TP73: variants seen among roughly 807,000 people sequenced by gnomAD.
TP73 encodes the protein tumor protein p73, also known as p53-like transcription factor.
Under a neutral mutation model 62.5 loss-of-function variants are expected in TP73, and 25 were observed. The observed-to-expected ratio is 0.40, with a 90% CI of 0.29 to 0.56. TP73 has a LOEUF of 0.56. Ranked by LOEUF, TP73 falls within the 20% of genes least tolerant of loss-of-function variation. TP73 has a pLI of 0.46. For missense variants in TP73, 754 were observed against 913.3 expected (o/e 0.83, Z 2.25); for synonymous variants, 423 against 377.5 (o/e 1.12, Z -1.40).
intron 1 of TP73, among the ~76,000 whole-genome samples, chr1:3,679,550 C>G (rs1275668391): frequency 6.9e-6 from 1 of 144,108 alleles, no homozygotes; most frequent in Non-Finnish European, 1.5e-5. Flanking sequence ...TCTCTTTGTC[C>G]TTGTCTCTCC....
At chr1:3,712,756 C>T (rs573450315) in intron 4 of TP73, among the ~76,000 whole-genome samples, 2 of 152,210 alleles carry the variant, frequency 1.3e-5, no homozygotes, top group African/African-American at 2.4e-5. Flanking sequence ...CTCCCACACT[C>T]CCCATTTTAC....
chr1:3,723,508 C>A, intron 6 of TP73, 39 bp downstream of exon 6: 1 of 1,421,404 alleles, frequency 7.0e-7, no homozygotes, highest in Non-Finnish European at 9.9e-7. Context: ...GCCCTGCAGT[C>A]AGCTGTACGG....
At chr1:3,731,163 T>C (rs2124545043) in intron 12 of TP73, 98 bp downstream of exon 12, 1 of 1,492,846 alleles carries the variant, frequency 6.7e-7, no homozygotes, top group Non-Finnish European at 9.0e-7. Context: ...CCCTGTGTGC[T>C]CACCACTCGC....
chr1:3,699,063 G>C lies in TP73; in HGVS notation c.187-8486G>C, dbSNP rs1570500936. Among the ~76,000 whole-genome samples the C allele has an allele frequency of 6.6e-6, 1 of 152,134 alleles. No homozygotes were observed. The highest frequency in any genetic ancestry group is 1.9e-4 in the East Asian group (1 of 5,186). On this transcript the variant is annotated intron_variant, in intron 3 of 13. Transcript: ENST00000378295. The surrounding 1 kb of genome is among the most constrained non-coding windows in gnomAD (Gnocchi z 4.1). ...GAGGGTGCTGTGGGTGAGAGCACAG[G>C]GTGCTGTGGGTGAGAGCAGAGGGTG...
chr1:3,689,918 G>A (rs913460414), intron 3 of TP73, among the ~76,000 whole-genome samples: 7 of 152,174 alleles, frequency 4.6e-5, no homozygotes, highest in Admixed American at 6.5e-5. Flanking sequence ...TACCCAAGAC[G>A]GCTGAAATAC....
intron 11 of TP73, 97 bp downstream of exon 11, chr1:3,730,245 A>T: frequency 2.2e-6 from 3 of 1,337,552 alleles, no homozygotes; most frequent in Non-Finnish European, 2.9e-6. Flanking sequence ...GACCCAGGGC[A>T]GGTGTCTCTG....
At chr1:3,700,361 G>A (rs952649043) in intron 3 of TP73, among the ~76,000 whole-genome samples, 2 of 152,306 alleles carry the variant, frequency 1.3e-5, no homozygotes, top group South Asian at 2.1e-4. Context: ...CCGATGGCAC[G>A]GTCGTGACCT....
rs528348403 is a variant in TP73 at position 3,653,129 on chromosome 1, G to GC, written c.-34+494dup. On this transcript the variant is annotated intron_variant, in intron 1 of 13. Coordinates refer to ENST00000378295, the MANE Select transcript of TP73 (RefSeq NM_005427.4). Reference sequence around the variant, plus strand: ...AGCTTCCCTGAGGAGCCAGGGCCAGGCCCCCCTCTGGACAGGGAGAAGGAT... The same window carrying GC: ...AGCTTCCCTGAGGAGCCAGGGCCAGGCCCCCCCTCTGGACAGGGAGAAGGAT... Among the ~76,000 whole-genome samples, 41 of 152,362 alleles carry GC rather than the reference G, an allele frequency of 2.7e-4. No homozygotes were observed. The East Asian group carries it at 7.5e-3, about 28-fold the overall frequency.
In TP73 at chr1:3,733,065, GC is replaced by G; in HGVS notation, c.1899del (p.Glu634ArgfsTer120). On this transcript the variant is annotated frameshift_variant, in exon 14 of 14. Transcript: ENST00000378295. LOFTEE classifies it high-confidence loss of function. Reference sequence around the variant, plus strand: ...GCCCATCAAGGAGGAGTTCACGGAGGCCGAGATCCACTGAGGGCCTCGCCTG... The same window carrying G: ...GCCCATCAAGGAGGAGTTCACGGAGGCGAGATCCACTGAGGGCCTCGCCTG... The part of the protein sequence containing the change: ...KQPIKEEFTE[A>X]EIH 3 of 1,535,928 alleles carry G rather than the reference GC, an allele frequency of 2.0e-6. No homozygotes were observed. Among genetic ancestry groups the G allele is most frequent in the Non-Finnish European group, 2.6e-6 (3 of 1,145,592 alleles).
chr1:3,680,827 C>T (rs188716071), intron 1 of TP73, among the ~76,000 whole-genome samples: 4 of 152,372 alleles, frequency 2.6e-5, no homozygotes, highest in Non-Finnish European at 5.9e-5. Flanking sequence ...AGCCCAGGAT[C>T]GGAGGCCTGC....
At chr1:3,685,466 G>A (rs1402727512) in intron 3 of TP73, among the ~76,000 whole-genome samples, 1 of 152,202 alleles carries the variant, frequency 6.6e-6, no homozygotes, top group Non-Finnish European at 1.5e-5. Context: ...CACGGAGATG[G>A]GGGATTCCCT....
At chr1:3,732,454 G>A (rs1557594117) in intron 13 of TP73, among the ~76,000 whole-genome samples, 2 of 152,002 alleles carry the variant, frequency 1.3e-5, no homozygotes, top group Admixed American at 6.5e-5. Flanking sequence ...ACTCCAGGGG[G>A]CAGGGACATG....
rs2124521471 is a variant in TP73 at position 3,727,762 on chromosome 1, G to A, written c.977G>A (p.Ser326Asn). 6.5e-7 allele frequency: 1 copy of A among 1,540,916 alleles called. No homozygotes were observed. The highest frequency in any genetic ancestry group is 1.4e-5 in the African/African-American group (1 of 73,400). ...AGCTCCGCCAAGAACGGGGCCGCCA[G>A]CAAGCGTGGTGAGCGGCCGGCCAGG... ...NESSAKNGAA[S>N]KRAFKQSPPA... Residue 326 changes from serine to asparagine, a missense_variant, in exon 8 of 14, where the codon AGC becomes AAC. Physicochemically the swap from Ser to Asn is conservative, Grantham distance 46 (BLOSUM62 1). This residue lies in a region of TP73 where 458 missense variants were observed against 528.7 expected (regional missense o/e 0.87). Coordinates refer to ENST00000378295, the MANE Select transcript of TP73 (RefSeq NM_005427.4).
chr1:3,711,404 G>GTGGACAGC (rs1358356868), intron 4 of TP73, among the ~76,000 whole-genome samples: 1 of 152,264 alleles, frequency 6.6e-6, no homozygotes, highest in Non-Finnish European at 1.5e-5. Context: ...TGGCAGTGGT[G>GTGGACAGC]TGGACAGCTG....
intron 3 of TP73, among the ~76,000 whole-genome samples, chr1:3,692,835 G>A (rs781565310): frequency 8.5e-5 from 13 of 152,084 alleles, no homozygotes; most frequent in African/African-American, 1.2e-4. Context: ...CGCCATTCCC[G>A]GGAGGGGTGG....
chr1:3,685,126 C>T (rs1028688681), intron 3 of TP73, among the ~76,000 whole-genome samples: 2 of 152,198 alleles, frequency 1.3e-5, no homozygotes, highest in Non-Finnish European at 2.9e-5. Flanking sequence ...AGTTGCTCAG[C>T]CACTCCCCCT....
chr1:3,723,609 T>A, intron 6 of TP73, 140 bp downstream of exon 6: 4 of 680,384 alleles, frequency 5.9e-6, no homozygotes, highest in Non-Finnish European at 1.0e-5. Flanking sequence ...CAGGGCTCCC[T>A]GCTCTGTGAT....
rs762380590 is a variant in TP73 at position 3,728,227 on chromosome 1, T to C, written c.1074+10T>C. On this transcript the variant is annotated intron_variant, in intron 9 of 13. Transcript: ENST00000378295. ...CACGTACTACCTTCAGGTGAGTGTG[T>C]GCTCCTGCACGGCAGCCGGGAGACC... 2.5e-6 allele frequency: 4 copies of C among 1,610,572 alleles called. No homozygotes were observed. Among genetic ancestry groups the C allele is most frequent in the Non-Finnish European group, 3.4e-6 (4 of 1,179,602 alleles).
intron 3 of TP73, among the ~76,000 whole-genome samples, chr1:3,704,487 G>T (rs977369809): frequency 1.3e-5 from 2 of 152,198 alleles, no homozygotes; most frequent in African/African-American, 4.8e-5. Flanking sequence ...GGACATGCGA[G>T]CCTGCCCTTC....
Sources: allele counts gnomAD v4.1 joint callset (sites outside exome capture counted in the v4.1 genomes callset), GRCh38; gene constraint gnomAD v4.1.1; regional missense constraint gnomAD v4.1.1; non-coding constraint Gnocchi (gnomAD v3.1); transcripts MANE v1.5; gene names NCBI Gene and HGNC (gene_info 2026-07-23, HGNC 2026-07-21).